ALPK1: variants seen among roughly 807,000 people sequenced by gnomAD.
The protein encoded by ALPK1 is alpha kinase 1.
A neutral mutation model predicts 120.6 loss-of-function variants in ALPK1; 110 were observed. The observed-to-expected ratio is 0.91, with a 90% CI of 0.78 to 1.07. The LOEUF (loss-of-function observed/expected upper bound fraction) is 1.07. Among genes scored for constraint, ALPK1 ranks in the 50% least tolerant of loss-of-function variants. The probability of loss-of-function intolerance (pLI) is 0.00; values close to 1 mark genes in which losing one functional copy is unlikely to be tolerated. For missense variants in ALPK1, 1,498 were observed against 1,483.9 expected (o/e 1.01, Z -0.16); for synonymous variants, 582 against 560.3 (o/e 1.04, Z -0.55).
At chr4:112,324,521 T>A (rs1729021414) in intron 2 of ALPK1, among the ~76,000 whole-genome samples, 2 of 152,106 alleles carry the variant, frequency 1.3e-5, no homozygotes, top group South Asian at 4.1e-4. Flanking sequence ...TCTATTGTCC[T>A]GGATGGAGTG....
chr4:112,403,514 G>C (rs1405120517), intron 4 of ALPK1, among the ~76,000 whole-genome samples: 1 of 152,136 alleles, frequency 6.6e-6, no homozygotes, highest in Non-Finnish European at 1.5e-5. Flanking sequence ...AGAGGTTTGG[G>C]CCCTGAACGG....
At chr4:112,334,432 C>A (rs1348537184) in intron 2 of ALPK1, among the ~76,000 whole-genome samples, 282 of 120,550 alleles carry the variant, frequency 2.3e-3, no homozygotes, top group South Asian at 2.6e-3. Context: ...GACTCTGCCT[C>A]AAAAAAAAAA....
At chr4:112,357,783 G>T in intron 2 of ALPK1, 1 of 1,049,192 alleles carries the variant, frequency 9.5e-7, no homozygotes, top group Non-Finnish European at 1.5e-6. Flanking sequence ...TGCCCTATGG[G>T]CTCCTGATCT....
At chr4:112,385,768 A>G (rs1270851762) in intron 4 of ALPK1, among the ~76,000 whole-genome samples, 1 of 152,198 alleles carries the variant, frequency 6.6e-6, no homozygotes, top group Non-Finnish European at 1.5e-5. Flanking sequence ...TCAGAGCTGG[A>G]TGGTCATATT....
chr4:112,348,604 A>G (rs1397041765), intron 2 of ALPK1, among the ~76,000 whole-genome samples: 1 of 152,162 alleles, frequency 6.6e-6, no homozygotes, highest in African/African-American at 2.4e-5. Context: ...TTGCGCCTGC[A>G]AAGTGTGCGG....
At chr4:112,356,785 C>T (rs767876247) in intron 2 of ALPK1, 1 of 740,696 alleles carries the variant, frequency 1.4e-6, no homozygotes, top group Non-Finnish European at 2.5e-6. Flanking sequence ...AGCAGCAAGC[C>T]GACATCGTCT....
intron 4 of ALPK1, among the ~76,000 whole-genome samples, chr4:112,385,314 A>G (rs1732105496): frequency 1.3e-5 from 2 of 152,206 alleles, no homozygotes; most frequent in Non-Finnish European, 2.9e-5. Flanking sequence ...ACCTCCCGCT[A>G]TGCCTCTCTA....
chr4:112,357,448 C>T (rs1272039569), intron 2 of ALPK1: 17 of 708,778 alleles, frequency 2.4e-5, no homozygotes, highest in Admixed American at 1.9e-4. Flanking sequence ...CCTGGAGCAC[C>T]ACTGCAGCAG....
At chr4:112,440,076 C>T (rs1734968035) in intron 14 of ALPK1, among the ~76,000 whole-genome samples, 1 of 152,194 alleles carries the variant, frequency 6.6e-6, no homozygotes, top group South Asian at 2.1e-4. Context: ...TACAGTATCA[C>T]ATAATCAGTG....
intron 11 of ALPK1, among the ~76,000 whole-genome samples, chr4:112,434,617 C>T (rs17529113): frequency 0.093 from 14,223 of 152,136 alleles, 892 homozygotes; most frequent in Non-Finnish European, 0.14. Flanking sequence ...CAGTTGAGTT[C>T]GCATGTTTTT....
At chr4:112,309,576 C>A (rs1316885184) in intron 1 of ALPK1, among the ~76,000 whole-genome samples, 4 of 152,076 alleles carry the variant, frequency 2.6e-5, no homozygotes, top group African/African-American at 9.7e-5. Context: ...CCTCGTATGC[C>A]ATTTGCTCAG....
intron 2 of ALPK1, among the ~76,000 whole-genome samples, chr4:112,334,646 T>A (rs75664738): frequency 0.019 from 2,824 of 152,214 alleles, 102 homozygotes; most frequent in African/African-American, 0.064. Flanking sequence ...AGTCTTGGCA[T>A]ATTAGTAGGG....
chr4:112,441,143 C>A, intron 15 of ALPK1, 38 bp downstream of exon 15: 1 of 1,613,882 alleles, frequency 6.2e-7, no homozygotes, highest in Non-Finnish European at 8.5e-7. Flanking sequence ...ATGTGACAGA[C>A]CTTAGTGATG....
Position 112,371,043 on chromosome 4 carries a change from G to A in ALPK1, c.-100-6635G>A, listed in dbSNP as rs191043206. 3.9e-5 allele frequency among the ~76,000 whole-genome samples: 6 copies of A among 152,262 alleles called. No individual in the cohort carries two copies. In the East Asian group the frequency reaches 1.2e-3, roughly 29 times the overall value. ...CACTCAGTTTTGAGCTATGGTGAAG[G>A]AGAAACTGATACTCATTCTTAATAA... On this transcript the variant is annotated intron_variant, in intron 2 of 15. Transcript: ENST00000650871.
intron 2 of ALPK1, among the ~76,000 whole-genome samples, chr4:112,368,894 G>A (rs1303590829): frequency 1.3e-5 from 2 of 152,102 alleles, no homozygotes; most frequent in Non-Finnish European, 2.9e-5. Flanking sequence ...CCTCAGTTAA[G>A]GCCTTTGGTT....
At chr4:112,302,116 T>G (rs1415468106) in intron 1 of ALPK1, among the ~76,000 whole-genome samples, 1 of 152,144 alleles carries the variant, frequency 6.6e-6, no homozygotes, top group Non-Finnish European at 1.5e-5. Context: ...CATCTCTGCT[T>G]TCATTAGCCC....
intron 12 of ALPK1, among the ~76,000 whole-genome samples, chr4:112,437,713 C>T (rs1401303488): frequency 1.3e-5 from 2 of 152,124 alleles, no homozygotes; most frequent in African/African-American, 4.8e-5. Flanking sequence ...TGGCCAAAAC[C>T]ACAGCCTCCT....
At chr4:112,334,861 T>A (rs1356048573) in intron 2 of ALPK1, among the ~76,000 whole-genome samples, 1 of 152,196 alleles carries the variant, frequency 6.6e-6, no homozygotes. Context: ...TTGTTGCCCA[T>A]ATACAGTTAC....
intron 4 of ALPK1, among the ~76,000 whole-genome samples, chr4:112,396,235 G>T (rs894049642): frequency 1.3e-5 from 2 of 152,152 alleles, no homozygotes; most frequent in Non-Finnish European, 2.9e-5. Flanking sequence ...TCACAGAACA[G>T]GCTGACACAA....
Sources: gnomAD v4.1 joint callset for allele counts (sites outside exome capture counted in the v4.1 genomes callset) on GRCh38, gnomAD v4.1.1 for gene constraint, MANE v1.5 for transcripts, NCBI Gene and HGNC (gene_info 2026-07-23, HGNC 2026-07-21) for gene names.